BICRAL: variants seen among roughly 807,000 people sequenced by gnomAD.
The protein encoded by BICRAL is BICRA like chromatin remodeling complex associated protein, also known as BRD4-interacting chromatin-remodeling complex-associated protein-like.
A neutral mutation model predicts 91.8 loss-of-function variants in BICRAL; 8 were observed. That is an observed-to-expected ratio of 0.09 (90% confidence interval 0.05 to 0.16). The LOEUF (loss-of-function observed/expected upper bound fraction) is 0.16, where lower values mean the gene tolerates loss of function less well. Among genes scored for constraint, BICRAL ranks in the 10% least tolerant of loss-of-function variants. The pLI, the probability that BICRAL is intolerant of heterozygous loss-of-function variation, is 1.00. For missense variants in BICRAL, 1,038 were observed against 1,310.9 expected (o/e 0.79, Z 3.21); for synonymous variants, 445 against 491.1 (o/e 0.91, Z 1.24).
intron 2 of BICRAL, among the ~76,000 whole-genome samples, chr6:42,814,719 T>A (rs1763935530): frequency 1.3e-5 from 2 of 150,924 alleles, no homozygotes; most frequent in South Asian, 4.2e-4. Flanking sequence ...AGAACAGGGT[T>A]TCACCATGTT....
intron 1 of BICRAL, among the ~76,000 whole-genome samples, chr6:42,797,044 CAAAAAA>C (rs1192829085): frequency 2.3e-5 from 1 of 44,296 alleles, no homozygotes. Context: ...AACTCTGTCT[CAAAAAA>C]AAAAAAAAAA....
At chr6:42,824,099 C>T (rs1478204905) in intron 5 of BICRAL, among the ~76,000 whole-genome samples, 4 of 150,768 alleles carry the variant, frequency 2.7e-5, no homozygotes, top group African/African-American at 9.7e-5. Flanking sequence ...GGTGTGGTGG[C>T]GCGTGCCTGT....
In BICRAL at chr6:42,820,630, G is replaced by A. The variant is rs74387310; in HGVS notation, c.-5-1388G>A. Among the ~76,000 whole-genome samples the A allele has an allele frequency of 7.1e-3, 1,081 of 152,280 alleles. 5 individuals carry two copies. The highest frequency in any genetic ancestry group is 0.023 in the African/African-American group (954 of 41,554). ...TAGTCATGTGAGTGTGCCCATGAGT[G>A]ACTCCAAGTTGAGTTCTAAAAAGCA... is the stretch of plus-strand genomic sequence containing the variant. On this transcript the variant is annotated intron_variant, in intron 2 of 12. Transcript: ENST00000314073.
Position 42,865,025 on chromosome 6 carries a change from A to T in BICRAL, c.2819A>T (p.His940Leu), listed in dbSNP as rs1465777851. ...CAGTGCTCTCCCGGCCCTGAGGGGCACCGGAAAACCTCATCCAGATCGGAT... is the reference window on the plus strand; with the variant it reads ...CAGTGCTCTCCCGGCCCTGAGGGGCTCCGGAAAACCTCATCCAGATCGGAT... ...ASQCSPGPEG[H>L]RKTSSRSDHG... Residue 940 changes from histidine to leucine, a missense_variant, in exon 13 of 13, where the codon CAC becomes CTC. His to Leu is a moderately conservative substitution (Grantham distance 99, BLOSUM62 -3). Transcript: ENST00000314073. 5 of 1,614,060 alleles carry T rather than the reference A, an allele frequency of 3.1e-6. No homozygotes were observed. The highest frequency in any genetic ancestry group is 4.2e-6 in the Non-Finnish European group (5 of 1,180,026).
chr6:42,845,971 TGA>T (rs1764996340), intron 6 of BICRAL, among the ~76,000 whole-genome samples: 1 of 140,350 alleles, frequency 7.1e-6, no homozygotes, highest in African/African-American at 2.7e-5. Flanking sequence ...ATCGGGAGGC[TGA>T]GGCAGGAGAA....
chr6:42,789,268 C>T (rs1031564840), intron 1 of BICRAL, among the ~76,000 whole-genome samples: 5 of 152,040 alleles, frequency 3.3e-5, no homozygotes, highest in African/African-American at 9.7e-5. Context: ...TTCAGTAACT[C>T]TATAGAGAAA....
At chr6:42,773,020 A>G (rs900344159) in intron 1 of BICRAL, among the ~76,000 whole-genome samples, 11 of 152,096 alleles carry the variant, frequency 7.2e-5, no homozygotes, top group Admixed American at 6.6e-5. Context: ...CAATAACCCA[A>G]TGAGGTCCAG....
chr6:42,856,983 T>C (rs1211083632), intron 9 of BICRAL, 108 bp from the exon 10 acceptor site: 1 of 902,914 alleles, frequency 1.1e-6, no homozygotes, highest in Non-Finnish European at 1.7e-6. Context: ...ACTAAAAAAC[T>C]GCCGTATTAT....
At chr6:42,760,814 G>T (rs1428647520) in intron 1 of BICRAL, among the ~76,000 whole-genome samples, 1 of 152,120 alleles carries the variant, frequency 6.6e-6, no homozygotes, top group Admixed American at 6.5e-5. Flanking sequence ...TTGACGCCAG[G>T]AGTTGGAGAC....
chr6:42,829,970 C>G lies in BICRAL; in HGVS notation c.1637C>G (p.Ala546Gly), dbSNP rs200974412. The change falls in exon 6 of 13, where the codon GCC becomes GGC. Residue 546 changes from alanine to glycine, a missense_variant. Physicochemically the swap from Ala to Gly is moderately conservative, Grantham distance 60 (BLOSUM62 0). Coordinates refer to ENST00000314073, the MANE Select transcript of BICRAL (RefSeq NM_001393499.1). ...GPSRFPAVSS[A>G]STAHPSLGSA... ...AGTCGGTTCCCTGCTGTCAGCTCAG[C>G]CAGCACTGCCCATCCTAGTCTTGGG... The G allele has an allele frequency of 4.1e-5, 66 of 1,614,070 alleles. No individual in the cohort carries two copies. Among genetic ancestry groups the G allele is most frequent in the Non-Finnish European group, 5.1e-5 (60 of 1,180,014 alleles).
At chr6:42,774,295 A>G (rs1283763643) in intron 1 of BICRAL, among the ~76,000 whole-genome samples, 1 of 152,218 alleles carries the variant, frequency 6.6e-6, no homozygotes, top group African/African-American at 2.4e-5. Context: ...ATGAGGAGGA[A>G]TCATAGACAA....
chr6:42,769,785 A>G (rs1447165803), intron 1 of BICRAL, among the ~76,000 whole-genome samples: 1 of 152,194 alleles, frequency 6.6e-6, no homozygotes, highest in South Asian at 2.1e-4. Flanking sequence ...TTTTTGTTCA[A>G]AAACTTAAAG....
At chr6:42,778,431 C>A (rs1762831788), upstream of BICRAL, among the ~76,000 whole-genome samples, 1 of 152,176 alleles carries the variant, frequency 6.6e-6, no homozygotes, top group South Asian at 2.1e-4. Flanking sequence ...ATAATTAAAC[C>A]TTATTCTTCG....
chr6:42,750,913 C>CT (rs1582795707), intron 1 of BICRAL, among the ~76,000 whole-genome samples: 1 of 47,782 alleles, frequency 2.1e-5, no homozygotes, highest in African/African-American at 8.7e-5. Context: ...TTTTTTAATA[C>CT]TTTAAGTTCT....
chr6:42,826,816 C>T (rs953142657), intron 5 of BICRAL, among the ~76,000 whole-genome samples: 6 of 151,030 alleles, frequency 4.0e-5, no homozygotes, highest in Admixed American at 6.6e-5. Context: ...GACAAAGTTT[C>T]GCTCTTGTTG....
intron 1 of BICRAL, among the ~76,000 whole-genome samples, chr6:42,808,991 C>T (rs1429758602): frequency 6.6e-6 from 1 of 151,982 alleles, no homozygotes; most frequent in South Asian, 2.1e-4. Context: ...GTCACTCTTT[C>T]CCCCATGTTA....
At chr6:42,809,110 C>T (rs146522504) in intron 1 of BICRAL, among the ~76,000 whole-genome samples, 7 of 151,600 alleles carry the variant, frequency 4.6e-5, no homozygotes, top group Admixed American at 2.0e-4. Context: ...CGGCACCCCC[C>T]CCAACAGGCC....
Position 42,800,520 on chromosome 6 carries a change from T to G in BICRAL, c.-101-9786T>G, listed in dbSNP as rs571551253. On this transcript the variant is annotated intron_variant, in intron 1 of 12. Coordinates refer to ENST00000314073, the MANE Select transcript of BICRAL (RefSeq NM_001393499.1). ...TCTTGTTTTCTCCTTGCTAAGAAAC[T>G]GATTTTGTCCACACATTTTTTTTTC... Among the ~76,000 whole-genome samples the G allele has an allele frequency of 4.9e-4, 75 of 152,016 alleles. 1 individual carries two copies. The East Asian group carries it at 0.012, about 24-fold the overall frequency.
chr6:42,749,494 A>G (rs1762341382), intron 1 of BICRAL, among the ~76,000 whole-genome samples: 1 of 152,216 alleles, frequency 6.6e-6, no homozygotes, highest in Non-Finnish European at 1.5e-5. Flanking sequence ...TCGAGTTAAC[A>G]ATAATGTATT....
Sources: allele counts gnomAD v4.1 joint callset (sites outside exome capture counted in the v4.1 genomes callset), GRCh38; gene constraint gnomAD v4.1.1; transcripts MANE v1.5; gene names NCBI Gene and HGNC (gene_info 2026-07-23, HGNC 2026-07-21).